Variants in CAPN2 observed in about 807,000 individuals in gnomAD.
The protein encoded by CAPN2 is calpain 2.
In CAPN2, 92 loss-of-function variants were observed where a neutral mutation model predicts 102.3. The observed-to-expected ratio is 0.90, with a 90% CI of 0.76 to 1.07. The LOEUF is 1.07. Ranked by LOEUF, CAPN2 falls within the 50% of genes least tolerant of loss-of-function variation. CAPN2 has a pLI of 0.00. For missense variants in CAPN2, 800 were observed against 909.4 expected (o/e 0.88, Z 1.55); for synonymous variants, 340 against 355.4 (o/e 0.96, Z 0.49).
chr1:223,750,816 G>C (rs989973123), intron 6 of CAPN2, 74 bp from the exon 7 acceptor site: 1 of 1,379,454 alleles, frequency 7.2e-7, no homozygotes, highest in South Asian at 1.2e-5. Context: ...TGCGGAAGGG[G>C]GTTGGAGGCC....
chr1:223,736,108 GC>G (rs899892861), intron 2 of CAPN2, among the ~76,000 whole-genome samples: 1 of 152,178 alleles, frequency 6.6e-6, no homozygotes, highest in Non-Finnish European at 1.5e-5. Context: ...CAAGTGACCA[GC>G]ACCCCTGCCC....
intron 1 of CAPN2, among the ~76,000 whole-genome samples, chr1:223,713,647 C>CGA (rs940128190): frequency 3.3e-5 from 5 of 152,144 alleles, no homozygotes; most frequent in Non-Finnish European, 7.4e-5. Flanking sequence ...GGACACTTCC[C>CGA]CAGGCTTCCC....
In CAPN2 at chr1:223,727,838, G is replaced by T. The variant is rs1051678939; in HGVS notation, c.307+10007G>T. 6.6e-6 allele frequency among the ~76,000 whole-genome samples: 1 copy of T among 152,130 alleles called. No individual in the cohort carries two copies. The highest frequency in any genetic ancestry group is 2.4e-5 in the African/African-American group (1 of 41,416). ...GGGCCCTCCCTGCTTCTTGGAGAAT[G>T]GTTCCACTGGCAGGCCATTCCGTCT... On this transcript the variant is annotated intron_variant, in intron 2 of 20. Coordinates refer to ENST00000295006, the MANE Select transcript of CAPN2 (RefSeq NM_001748.5). The surrounding 1 kb of genome is among the most constrained non-coding windows in gnomAD (Gnocchi z 4.1).
chr1:223,722,512 A>G (rs1660079463), intron 2 of CAPN2, among the ~76,000 whole-genome samples: 1 of 151,868 alleles, frequency 6.6e-6, no homozygotes, highest in Non-Finnish European at 1.5e-5. Context: ...GCTGGTCTCA[A>G]GTTCCTGGGC....
At chr1:223,715,471 G>A (rs1327885323) in intron 1 of CAPN2, among the ~76,000 whole-genome samples, 1 of 152,122 alleles carries the variant, frequency 6.6e-6, no homozygotes, top group Admixed American at 6.5e-5. Context: ...CAGGATCCCT[G>A]AGGAAGTGAG....
At position 223,766,372 on chromosome 1, in the gene CAPN2, G is replaced by C; in HGVS notation, c.1696G>C (p.Asp566His). 6.2e-7 allele frequency: 1 copy of C among 1,613,532 alleles called. No individual in the cohort carries two copies. Among genetic ancestry groups the C allele is most frequent in the Non-Finnish European group, 8.5e-7 (1 of 1,179,430 alleles). ...ILRRVLAKRQDIKSDGFSIET... is the reference protein window; with the variant it reads ...ILRRVLAKRQHIKSDGFSIET... ...ACACTGATTTTGTCTTTTAGGCCAA[G>C]ATATCAAGTCAGATGGCTTCAGCAT... The change falls in exon 16 of 21, where the codon GAT (aspartate) becomes CAT (histidine). Residue 566 changes from aspartate (D) to histidine (H), a missense_variant. Transcript: ENST00000295006.
At position 223,749,083 on chromosome 1, in the gene CAPN2, GGTGA is replaced by G. The variant is rs769596501; in HGVS notation, c.775_778del (p.Val259ArgfsTer22). 6.2e-7 allele frequency: 1 copy of G among 1,614,150 alleles called. No homozygotes were observed. Among genetic ancestry groups the G allele is most frequent in the Admixed American group, 1.7e-5 (1 of 60,028 alleles). The stretch of plus-strand genomic sequence containing the variant: ...CGGAGGCCATCACGTTTCAGAAGCT[GGTGA>G]AGGGGCACGCGTACTCGGTCACCGG... On this transcript the variant is annotated frameshift_variant, in exon 6 of 21. Transcript: ENST00000295006. LOFTEE classifies it high-confidence loss of function.
Position 223,746,982 on chromosome 1 carries a change from A to C in CAPN2, c.561-15A>C. The C allele has an allele frequency of 1.9e-6, 3 of 1,610,344 alleles. No homozygotes were observed. The highest frequency in any genetic ancestry group is 2.5e-6 in the Non-Finnish European group (3 of 1,177,356). ...AGTGTCAAGGGTAGCGGCAGCGTCT[A>C]ATCCCCTCTTGTAGGATCAACGGAT... is the stretch of plus-strand genomic sequence containing the variant. On this transcript the variant is annotated splice_polypyrimidine_tract_variant and intron_variant, in intron 4 of 20. Transcript: ENST00000295006.
At chr1:223,713,035 G>C (rs1032166481) in intron 1 of CAPN2, among the ~76,000 whole-genome samples, 158 bp downstream of exon 1, 2 of 152,184 alleles carry the variant, frequency 1.3e-5, no homozygotes, top group African/African-American at 2.4e-5. Flanking sequence ...CGCGCCGCCA[G>C]AGCCCGGGAC....
intron 1 of CAPN2, among the ~76,000 whole-genome samples, chr1:223,705,003 C>T (rs1659571820): frequency 6.6e-6 from 1 of 152,164 alleles, no homozygotes; most frequent in African/African-American, 2.4e-5. Context: ...CAGCCCCTTC[C>T]TGGCAACTCC....
rs201100784 is a variant in CAPN2, at chr1:223,772,211, C to G, written c.2051C>G (p.Thr684Ser). The G allele has an allele frequency of 1.2e-6, 2 of 1,614,120 alleles. No individual in the cohort carries two copies. Among genetic ancestry groups the G allele is most frequent in the Non-Finnish European group, 1.7e-6 (2 of 1,179,984 alleles). The change falls in exon 20 of 21, where the codon ACT (threonine) becomes AGT (serine). Residue 684 changes from threonine (T) to serine (S), a missense_variant. Physicochemically the swap from Thr to Ser is moderately conservative, Grantham distance 58. Transcript: ENST00000295006. ...KIFKQLDPENTGTIELDLISW... is the reference protein window; with the variant it reads ...KIFKQLDPENSGTIELDLISW... ...TTTAAGCAGCTGGATCCCGAGAATA[C>G]TGGAACAATAGAGCTCGACCTTATC...
intron 1 of CAPN2, among the ~76,000 whole-genome samples, chr1:223,702,091 G>GAAGGAAGGAAGGA: frequency 2.6e-5 from 1 of 38,666 alleles, no homozygotes; most frequent in Non-Finnish European, 4.9e-5. Flanking sequence ...GGGAGGGAGG[G>GAAGGAAGGAAGGA]AGGAAAGAAG....
chr1:223,774,811 C>CTTTTTTTTTTTTTTTTTTTTTTT, intron 20 of CAPN2, 23 bp from the exon 21 acceptor site: 1 of 1,485,692 alleles, frequency 6.7e-7, no homozygotes, highest in Non-Finnish European at 9.2e-7. Context: ...ACTGAGCTGA[C>CTTTTTTTTTTTTTTTTTTTTTTT]TTTTTTTTTT....
chr1:223,772,281 A>G (rs773213177), intron 20 of CAPN2, 42 bp downstream of exon 20: 27 of 1,563,244 alleles, frequency 1.7e-5, no homozygotes, highest in Non-Finnish European at 2.2e-5. Flanking sequence ...GGGATGGGGG[A>G]GGCATGGGGC....
intron 2 of CAPN2, among the ~76,000 whole-genome samples, chr1:223,740,388 A>G (rs1455800512): frequency 3.3e-5 from 5 of 152,346 alleles, no homozygotes; most frequent in African/African-American, 1.2e-4. Context: ...CAAAGGAGAC[A>G]GGGTCATTTA....
chr1:223,732,795 C>T (rs780512267), intron 2 of CAPN2, among the ~76,000 whole-genome samples: 3 of 152,046 alleles, frequency 2.0e-5, no homozygotes, highest in Admixed American at 1.3e-4. Context: ...CAGGTGGGGA[C>T]GTTAGCATTA....
chr1:223,750,178 G>A (rs1303472629), intron 6 of CAPN2, among the ~76,000 whole-genome samples: 2 of 152,088 alleles, frequency 1.3e-5, no homozygotes, highest in Non-Finnish European at 2.9e-5. Flanking sequence ...CAGAAAAGTT[G>A]AAAGACTAAC....
In CAPN2 at chr1:223,755,409, G is replaced by C; in HGVS notation, c.1136-71G>C. ...CCCTCTCAGAAGCCTCCAAGCCTGA[G>C]ACCAGGGCCACCCCCCACCCCCATG... On this transcript the variant is annotated intron_variant, in intron 9 of 20. Coordinates refer to ENST00000295006, the MANE Select transcript of CAPN2 (RefSeq NM_001748.5). The surrounding 1 kb of genome is among the most constrained non-coding windows in gnomAD (Gnocchi z 4.1). The C allele has an allele frequency of 1.3e-6, 2 of 1,540,200 alleles. No individual in the cohort carries two copies. Among genetic ancestry groups the C allele is most frequent in the Non-Finnish European group, 1.8e-6 (2 of 1,123,114 alleles).
At chr1:223,737,370 G>A (rs1660481080) in intron 2 of CAPN2, among the ~76,000 whole-genome samples, 1 of 152,180 alleles carries the variant, frequency 6.6e-6, no homozygotes, top group Admixed American at 6.5e-5. Context: ...GAACCTCCAG[G>A]CAGGGCCTCA....
Sources: allele counts gnomAD v4.1 joint callset (sites outside exome capture counted in the v4.1 genomes callset), GRCh38; gene constraint gnomAD v4.1.1; non-coding constraint Gnocchi (gnomAD v3.1); transcripts MANE v1.5; gene names NCBI Gene and HGNC (gene_info 2026-07-23, HGNC 2026-07-21).